ITGB1: variants seen among roughly 807,000 people sequenced by gnomAD.
The protein encoded by ITGB1 is integrin beta-1.
In ITGB1, 24 loss-of-function variants were observed where a neutral mutation model predicts 86.5. The ratio of observed to expected loss-of-function variants is 0.28; its 90% CI spans 0.20 to 0.39. ITGB1 has a LOEUF of 0.39. ITGB1 is among the 10% of genes least tolerant of loss of function. The pLI is 1.00. For synonymous variants in ITGB1, 323 were observed against 316.8 expected (o/e 1.02, Z -0.21); for missense variants, 556 against 946.9 (o/e 0.59, Z 5.42).
intron 11 of ITGB1, among the ~76,000 whole-genome samples, chr10:32,913,519 C>T (rs2094920739): frequency 6.6e-6 from 1 of 152,118 alleles, no homozygotes; most frequent in Non-Finnish European, 1.5e-5. Context: ...CCATGTGATG[C>T]ATGCACAAGC....
intron 2 of ITGB1, among the ~76,000 whole-genome samples, chr10:32,934,500 G>T (rs901385039): frequency 6.6e-6 from 1 of 152,016 alleles, no homozygotes; most frequent in Non-Finnish European, 1.5e-5. Flanking sequence ...GATACCATAG[G>T]GCAACACTAC....
chr10:32,918,088 G>A (rs181756367), intron 11 of ITGB1, among the ~76,000 whole-genome samples: 20 of 152,108 alleles, frequency 1.3e-4, no homozygotes, highest in Admixed American at 3.3e-4. Context: ...GAAAACTATC[G>A]CAAGGACAGA....
chr10:32,957,133 C>T (rs1164357507), intron 1 of ITGB1, among the ~76,000 whole-genome samples: 1 of 152,138 alleles, frequency 6.6e-6, no homozygotes, highest in Non-Finnish European at 1.5e-5. Flanking sequence ...ACTTGGCCCT[C>T]ACTGTCATTA....
In ITGB1 at chr10:32,920,396, G is replaced by A. The variant is rs1358590938; in HGVS notation, c.1129-11C>T. 1.2e-6 allele frequency: 2 copies of A among 1,611,978 alleles called. No homozygotes were observed. The highest frequency in any genetic ancestry group is 1.7e-6 in the Non-Finnish European group (2 of 1,178,700). On this transcript the variant is annotated splice_polypyrimidine_tract_variant and intron_variant, in intron 9 of 15. Coordinates refer to ENST00000302278, the MANE Select transcript of ITGB1 (RefSeq NM_002211.4). Reference sequence around the variant, plus strand: ...TTCTGAGGAAAGGGACTAAAAGAATGCCTAATTATACACAGGAAAAGTCAA... The same window carrying A: ...TTCTGAGGAAAGGGACTAAAAGAATACCTAATTATACACAGGAAAAGTCAA...
Position 32,908,312 on chromosome 10 carries a change from G to A in ITGB1, c.2331+56C>T, listed in dbSNP as rs1278198997. On this transcript the variant is annotated intron_variant, in intron 15 of 15. Transcript: ENST00000302278. ...CCTGACAGCTAATACATAAGTCTTA[G>A]GAGTATTACATTTACTTTATAAGCC... The A allele has an allele frequency of 2.7e-6, 4 of 1,463,702 alleles. No individual in the cohort carries two copies. The Middle Eastern group carries it at 5.2e-4, about 190-fold the overall frequency. 90.7% of individuals were successfully genotyped at this position (1,463,702 alleles called of 1,614,324 possible).
At chr10:32,942,002 A>G (rs1371175706) in intron 1 of ITGB1, among the ~76,000 whole-genome samples, 2 of 152,244 alleles carry the variant, frequency 1.3e-5, no homozygotes, top group Admixed American at 1.3e-4. Context: ...AGACACAGAC[A>G]TGAGAGTTGT....
chr10:32,932,679 C>G, intron 2 of ITGB1, 79 bp from the exon 3 acceptor site: 1 of 801,024 alleles, frequency 1.2e-6, no homozygotes, highest in East Asian at 2.5e-5. Context: ...ATCACAATGA[C>G]AATGCAATAC....
chr10:32,915,872 T>G (rs998125477), intron 11 of ITGB1, among the ~76,000 whole-genome samples: 1 of 152,238 alleles, frequency 6.6e-6, no homozygotes, highest in Admixed American at 6.5e-5. Context: ...GAAAGAGAAT[T>G]TTAGACCAAT....
Position 32,900,586 on chromosome 10 carries a change from A to T in ITGB1, c.*984T>A, listed in dbSNP as rs200403307. The T allele has an allele frequency of 5.4e-5, 8 of 148,024 alleles. No individual in the cohort carries two copies. Among genetic ancestry groups the T allele is most frequent in the Non-Finnish European group, 9.0e-5 (6 of 66,964 alleles). The allele number at this position is 148,024 out of a possible 1,614,324, so 9.2% of individuals were successfully genotyped here. On this transcript the variant is annotated 3_prime_UTR_variant, in exon 16 of 16. Coordinates refer to ENST00000302278, the MANE Select transcript of ITGB1 (RefSeq NM_002211.4). ...ACTCAAAGTAAGACTCGCGTAGGTGAGAGCTGTTGCATAGCCACAGTATAA... is the reference window on the plus strand; with the variant it reads ...ACTCAAAGTAAGACTCGCGTAGGTGTGAGCTGTTGCATAGCCACAGTATAA...
rs2094913913 is a variant in ITGB1 at position 32,911,674 on chromosome 10, C to CA, written c.1709-5dup. On this transcript the variant is annotated splice_region_variant and splice_polypyrimidine_tract_variant and intron_variant, in intron 12 of 15. Coordinates refer to ENST00000302278, the MANE Select transcript of ITGB1 (RefSeq NM_002211.4). ...CGACACTTGCAAACACCATTTCCTG[C>CA]AATTAAGCATATCATTTCTCAAAAT... 2 of 1,613,220 alleles carry CA rather than the reference C, an allele frequency of 1.2e-6. No homozygotes were observed.
chr10:32,957,099 T>C (rs1481175150), intron 1 of ITGB1, among the ~76,000 whole-genome samples: 1 of 152,128 alleles, frequency 6.6e-6, no homozygotes, highest in Non-Finnish European at 1.5e-5. Context: ...AATTAAATAA[T>C]ACATGTAAAA....
Position 32,925,853 on chromosome 10 carries a change from G to T in ITGB1, c.786+18C>A. ...ATAATAGAAACAATATCCCCTGATAGGAAATGAATGCGCTTACTCCACAAA... is the reference window on the plus strand; with the variant it reads ...ATAATAGAAACAATATCCCCTGATATGAAATGAATGCGCTTACTCCACAAA... On this transcript the variant is annotated intron_variant, in intron 6 of 15. Transcript: ENST00000302278. The T allele has an allele frequency of 7.2e-7, 1 of 1,392,142 alleles. No individual in the cohort carries two copies. Among genetic ancestry groups the T allele is most frequent in the African/African-American group, 1.4e-5 (1 of 70,740 alleles). 86.2% of individuals were successfully genotyped at this position (1,392,142 alleles called of 1,614,324 possible).
Position 32,900,663 on chromosome 10 carries a change from A to G in ITGB1, c.*907T>C, listed in dbSNP as rs1186255823. 2 of 123,520 alleles carry G rather than the reference A, an allele frequency of 1.6e-5. No individual in the cohort carries two copies. Among genetic ancestry groups the G allele is most frequent in the East Asian group, 2.0e-4 (1 of 4,904 alleles). The allele number at this position is 123,520 out of a possible 1,614,324, so 7.7% of individuals were successfully genotyped here. ...TTGACCGCTAAAACTTCAAAGAAAAAGTACTCATAAAAAAAGTCTTACCCC... is the reference window on the plus strand; with the variant it reads ...TTGACCGCTAAAACTTCAAAGAAAAGGTACTCATAAAAAAAGTCTTACCCC... On this transcript the variant is annotated 3_prime_UTR_variant, in exon 16 of 16. Transcript: ENST00000302278.
At chr10:32,910,187 A>G (rs1176122030) in intron 14 of ITGB1, 36 bp downstream of exon 14, 1 of 1,449,896 alleles carries the variant, frequency 6.9e-7, no homozygotes, top group Admixed American at 1.7e-5. Flanking sequence ...GACATACAAG[A>G]TATGAAAAGA....
chr10:32,907,201 GTGTTTGAACACTATAAA>G, intron 15 of ITGB1: 1 of 642,522 alleles, frequency 1.6e-6, no homozygotes, highest in South Asian at 1.5e-5. Flanking sequence ...TCCCTTTATA[GTGTTTGAACACTATAAA>G]TGTCTTTTTT....
At chr10:32,957,297 A>G (rs2095054322) in intron 1 of ITGB1, among the ~76,000 whole-genome samples, 1 of 152,208 alleles carries the variant, frequency 6.6e-6, no homozygotes, top group Non-Finnish European at 1.5e-5. Flanking sequence ...AGTTACTTAG[A>G]GAGTAGGAGT....
intron 1 of ITGB1, among the ~76,000 whole-genome samples, chr10:32,954,988 A>G (rs1396474073): frequency 6.6e-6 from 1 of 152,172 alleles, no homozygotes; most frequent in Non-Finnish European, 1.5e-5. Context: ...TGAAAGAGAG[A>G]AACTTTTTTT....
At chr10:32,957,285 A>C (rs1213581318) in intron 1 of ITGB1, among the ~76,000 whole-genome samples, 1 of 152,210 alleles carries the variant, frequency 6.6e-6, no homozygotes, top group East Asian at 1.9e-4. Flanking sequence ...TGATTAAATA[A>C]AAGTTACTTA....
chr10:32,920,462 G>T, intron 9 of ITGB1, 77 bp from the exon 10 acceptor site: 3 of 1,290,452 alleles, frequency 2.3e-6, no homozygotes, highest in South Asian at 1.4e-5. Flanking sequence ...TGGATAAACT[G>T]CTCAGAAAAA....
Sources: gnomAD v4.1 joint callset for allele counts (sites outside exome capture counted in the v4.1 genomes callset) on GRCh38, gnomAD v4.1.1 for gene constraint, MANE v1.5 for transcripts, NCBI Gene and HGNC (gene_info 2026-07-23, HGNC 2026-07-21) for gene names.